GABBR2: variants seen among roughly 807,000 people sequenced by gnomAD.
GABBR2 encodes the protein gamma-aminobutyric acid type B receptor subunit 2, also known as G-protein coupled receptor 51.
GABBR2 carries 23 observed loss-of-function variants against 105.6 expected under a neutral mutation model. That is an observed-to-expected ratio of 0.22 (90% CI 0.16 to 0.31). The LOEUF (loss-of-function observed/expected upper bound fraction) is 0.31. GABBR2 is among the 10% of genes least tolerant of loss of function. The pLI, the probability that GABBR2 is intolerant of heterozygous loss-of-function variation, is 1.00. For missense variants in GABBR2, 734 were observed against 1,245.5 expected, an observed-to-expected ratio of 0.59 and a Z score of 6.18; for synonymous variants, 478 against 499.7, an observed-to-expected ratio of 0.96 and a Z score of 0.58.
At chr9:98,663,470 T>C (rs1830293775) in intron 1 of GABBR2, among the ~76,000 whole-genome samples, 1 of 152,004 alleles carries the variant, frequency 6.6e-6, no homozygotes, top group Admixed American at 6.6e-5. Context: ...GCAACTGTCA[T>C]AATTAGCGGC....
intron 11 of GABBR2, among the ~76,000 whole-genome samples, chr9:98,381,108 C>T (rs1359197331): frequency 2.0e-5 from 3 of 152,228 alleles, no homozygotes; most frequent in African/African-American, 2.4e-5. Flanking sequence ...AGCTGTGATG[C>T]CTATCCCTCC....
intron 13 of GABBR2, among the ~76,000 whole-genome samples, chr9:98,358,902 A>G (rs1831534702): frequency 6.6e-6 from 1 of 152,112 alleles, no homozygotes; most frequent in South Asian, 2.1e-4. Flanking sequence ...TTGGGTGGCA[A>G]CATGGTTGAA....
chr9:98,347,092 C>T (rs572295487), intron 13 of GABBR2, among the ~76,000 whole-genome samples: 2 of 152,150 alleles, frequency 1.3e-5, no homozygotes, highest in South Asian at 4.1e-4. Context: ...TGGATAAACA[C>T]CCAGTAGTGG....
chr9:98,647,862 A>G (rs1458154016), intron 1 of GABBR2, among the ~76,000 whole-genome samples: 2 of 152,182 alleles, frequency 1.3e-5, no homozygotes, highest in African/African-American at 4.8e-5. Flanking sequence ...TTAGTCACTG[A>G]AAAGATGCCA....
intron 13 of GABBR2, among the ~76,000 whole-genome samples, chr9:98,317,782 A>G (rs1211879451): frequency 6.6e-6 from 1 of 152,126 alleles, no homozygotes; most frequent in African/African-American, 2.4e-5. Context: ...GCCTTCTTGG[A>G]GGGTACATTC....
At chr9:98,657,812 G>A (rs1377893365) in intron 1 of GABBR2, among the ~76,000 whole-genome samples, 1 of 152,266 alleles carries the variant, frequency 6.6e-6, no homozygotes, top group Non-Finnish European at 1.5e-5. Context: ...GATCTGATGG[G>A]TTTTTAAGTG....
chr9:98,309,775 G>A (rs1483943861), intron 14 of GABBR2, among the ~76,000 whole-genome samples: 1 of 152,212 alleles, frequency 6.6e-6, no homozygotes, highest in Admixed American at 6.5e-5. Context: ...CAGCCCAGTG[G>A]TCCTGTTGCT....
intron 2 of GABBR2, among the ~76,000 whole-genome samples, chr9:98,570,360 G>T (rs1368921064): frequency 6.6e-6 from 1 of 152,246 alleles, no homozygotes; most frequent in African/African-American, 2.4e-5. Context: ...TGCAGTTCTT[G>T]AGGAAATAGT....
intron 1 of GABBR2, among the ~76,000 whole-genome samples, chr9:98,662,851 C>G (rs1173566086): frequency 1.3e-5 from 2 of 152,158 alleles, no homozygotes; most frequent in Admixed American, 6.5e-5. Flanking sequence ...AGGCCAAAAA[C>G]TAGAGTCAAA....
At chr9:98,683,883 C>T (rs1241660896) in intron 1 of GABBR2, among the ~76,000 whole-genome samples, 21 of 151,412 alleles carry the variant, frequency 1.4e-4, no homozygotes, top group Non-Finnish European at 1.5e-5. Context: ...TGGCGGGCGC[C>T]TGTAGTCCCA....
chr9:98,550,699 C>T (rs1487044591), intron 2 of GABBR2, among the ~76,000 whole-genome samples: 1 of 152,210 alleles, frequency 6.6e-6, no homozygotes, highest in Non-Finnish European at 1.5e-5. Flanking sequence ...ACTAGTCCTT[C>T]TTGCATCTGT....
At chr9:98,529,087 G>GGGAGGATGTGCATAGGCTATAT (rs1828015737) in intron 3 of GABBR2, among the ~76,000 whole-genome samples, 1 of 151,998 alleles carries the variant, frequency 6.6e-6, no homozygotes, top group Non-Finnish European at 1.5e-5. Context: ...GGATAAAGAT[G>GGGAGGATGTGCATAGGCTATAT]GTGAGAGCAA....
rs74464877 is a variant in GABBR2 at position 98,301,712 on chromosome 9, T to C, written c.2412+1529A>G. On this transcript the variant is annotated intron_variant, in intron 16 of 18. Transcript: ENST00000259455. Reference sequence around the variant, plus strand: ...AGTGGCCTGGGTTTCCTAATGTGACTGAACTCTTCATTGCTGAAGTGTGCA... The same window carrying C: ...AGTGGCCTGGGTTTCCTAATGTGACCGAACTCTTCATTGCTGAAGTGTGCA... Among the ~76,000 whole-genome samples the C allele has an allele frequency of 2.0e-5, 3 of 152,356 alleles. No individual in the cohort carries two copies. In the East Asian group the frequency reaches 5.8e-4, roughly 29 times the overall value.
rs10818743 is a variant in GABBR2 at position 98,293,727 on chromosome 9, T to A, written c.2660+58A>T. The A allele has an allele frequency of 4.3e-6, 4 of 937,212 alleles. No homozygotes were observed. In the African/African-American group the frequency reaches 5.1e-5, roughly 12 times the overall value. The allele number at this position is 937,212 out of a possible 1,614,324, so 58.1% of individuals were successfully genotyped here. On this transcript the variant is annotated intron_variant, in intron 18 of 18. Transcript: ENST00000259455. Reference sequence around the variant, plus strand: ...AAAACATCGTGCAAATTGCAAACTCTTGTGCAGGAGTGACGTATTTCTTCT... The same window carrying A: ...AAAACATCGTGCAAATTGCAAACTCATGTGCAGGAGTGACGTATTTCTTCT...
At chr9:98,468,536 A>C (rs1826604952) in intron 6 of GABBR2, among the ~76,000 whole-genome samples, 1 of 152,232 alleles carries the variant, frequency 6.6e-6, no homozygotes, top group Admixed American at 6.5e-5. Context: ...TCATGTTTAA[A>C]AAATAAAAAC....
At chr9:98,369,771 C>A (rs1041642138) in intron 12 of GABBR2, among the ~76,000 whole-genome samples, 3 of 151,880 alleles carry the variant, frequency 2.0e-5, no homozygotes, top group Non-Finnish European at 4.4e-5. Context: ...ACAGGTGATG[C>A]CCACATCAGG....
intron 7 of GABBR2, among the ~76,000 whole-genome samples, chr9:98,452,298 C>T (rs1312266090): frequency 6.6e-6 from 1 of 152,234 alleles, no homozygotes; most frequent in Non-Finnish European, 1.5e-5. Context: ...AATTAGAACA[C>T]AGGACAGCAC....
chr9:98,321,883 C>T (rs1038073872), intron 13 of GABBR2, among the ~76,000 whole-genome samples: 2 of 152,030 alleles, frequency 1.3e-5, no homozygotes, highest in African/African-American at 4.8e-5. Flanking sequence ...ATGCTTTTGC[C>T]CCCTTCCCCT....
intron 12 of GABBR2, among the ~76,000 whole-genome samples, chr9:98,369,197 C>A (rs541241729): frequency 6.6e-6 from 1 of 152,166 alleles, no homozygotes; most frequent in Admixed American, 6.5e-5. Flanking sequence ...TAAATGCTGC[C>A]GGGGCCCAGA....
Sources: allele counts gnomAD v4.1 joint callset (sites outside exome capture counted in the v4.1 genomes callset), GRCh38; gene constraint gnomAD v4.1.1; transcripts MANE v1.5; gene names NCBI Gene and HGNC (gene_info 2026-07-23, HGNC 2026-07-21).